PRKX: variants seen among roughly 807,000 people sequenced by gnomAD.
PRKX encodes protein kinase cAMP-dependent X-linked catalytic subunit.
A neutral mutation model predicts 22.0 loss-of-function variants in PRKX; 12 were observed. The ratio of observed to expected loss-of-function variants is 0.54; its 90% CI spans 0.35 to 0.88. PRKX has a LOEUF of 0.88. Among genes scored for constraint, PRKX ranks in the 40% least tolerant of loss-of-function variants. The pLI is 0.01. For synonymous variants in PRKX, 134 were observed against 137.7 expected (o/e 0.97, Z 0.19); for missense variants, 217 against 308.0 (o/e 0.70, Z 2.21).
In PRKX at chrX:3,703,781, C is replaced by T. The variant is rs1409708836; in HGVS notation, c.166+9307G>A. On this transcript the variant is annotated intron_variant, in intron 1 of 8. Transcript: ENST00000262848. ...CTATCTCCCGGGTTCAAGTGATTCT[C>T]CTGCCTCAGCCTCCTGAGTAGCTGG... is the stretch of plus-strand genomic sequence containing the variant. Among the ~76,000 whole-genome samples the T allele has an allele frequency of 2.8e-5, 3 of 105,367 alleles. No individual in the cohort carries two copies. In the Admixed American group the frequency reaches 3.1e-4, roughly 11 times the overall value. 91.5% of individuals were successfully genotyped at this position (105,367 alleles called of 115,157 possible).
chrX:3,619,342 C>T (rs1926506914), intron 6 of PRKX, among the ~76,000 whole-genome samples: 1 of 110,855 alleles, frequency 9.0e-6, no homozygotes, highest in South Asian at 3.8e-4. Flanking sequence ...CCACTAGAGC[C>T]TCTAGCAGGA....
chrX:3,707,760 C>G (rs1417349756), intron 1 of PRKX, among the ~76,000 whole-genome samples: 2 of 111,914 alleles, frequency 1.8e-5, no homozygotes, highest in African/African-American at 6.5e-5. Flanking sequence ...GATCTCATCT[C>G]TTGGCATTTG....
At chrX:3,627,613 C>A (rs1255995303) in intron 4 of PRKX, among the ~76,000 whole-genome samples, 1 of 108,913 alleles carries the variant, frequency 9.2e-6, no homozygotes, top group African/African-American at 3.3e-5. Context: ...AGGTATCTGC[C>A]ACCATGCCAG....
In PRKX at chrX:3,613,150, C is replaced by CAAAAAAAAAAAAAAAAAAAAAAAAAAAAA. The variant is rs528688936; in HGVS notation, c.952-854_952-826dup. On this transcript the variant is annotated intron_variant, in intron 7 of 8. Coordinates refer to ENST00000262848, the MANE Select transcript of PRKX (RefSeq NM_005044.5). ...TGGGCAACGGAGCAAGACTTCGTCTCAAAAAAAAAAAAAAAAAAAAAAAAA... is the reference window on the plus strand; with the variant it reads ...TGGGCAACGGAGCAAGACTTCGTCTCAAAAAAAAAAAAAAAAAAAAAAAAAAAAAAAAAAAAAAAAAAAAAAAAAAAAAA... Among the ~76,000 whole-genome samples, 12 of 54,324 alleles carry CAAAAAAAAAAAAAAAAAAAAAAAAAAAAA rather than the reference C, an allele frequency of 2.2e-4. 3 individuals are homozygous for CAAAAAAAAAAAAAAAAAAAAAAAAAAAAA. The highest frequency in any genetic ancestry group is 9.3e-4 in the Admixed American group (3 of 3,220). The allele number at this position is 54,324 out of a possible 115,157, so 47.2% of individuals were successfully genotyped here. A position where few individuals can be genotyped will look rare whatever the true frequency, so the allele number is the denominator to read the frequency against.
chrX:3,642,181 A>G (rs1263686467), intron 3 of PRKX, among the ~76,000 whole-genome samples: 1 of 111,334 alleles, frequency 9.0e-6, no homozygotes, highest in Non-Finnish European at 1.9e-5. Flanking sequence ...CTTGGAAGCT[A>G]AGAATTGGTT....
At chrX:3,614,016 C>T (rs1329883517) in intron 7 of PRKX, among the ~76,000 whole-genome samples, 3 of 111,187 alleles carry the variant, frequency 2.7e-5, no homozygotes, top group East Asian at 5.6e-4. Flanking sequence ...CCACTCCCAT[C>T]AGTAACATAT....
chrX:3,654,155 T>C (rs1426810410), intron 3 of PRKX, among the ~76,000 whole-genome samples: 1 of 90,952 alleles, frequency 1.1e-5, no homozygotes, highest in Non-Finnish European at 2.1e-5. Flanking sequence ...TGATATAGTA[T>C]GATATAGGTA....
At chrX:3,694,365 G>A (rs1274335387) in intron 1 of PRKX, among the ~76,000 whole-genome samples, 1 of 110,090 alleles carries the variant, frequency 9.1e-6, no homozygotes, top group Non-Finnish European at 1.9e-5. Context: ...TCCAGCCTGG[G>A]CAAAAGAGCG....
At chrX:3,618,441 G>A in intron 6 of PRKX, among the ~76,000 whole-genome samples, 1 of 92,958 alleles carries the variant, frequency 1.1e-5, no homozygotes, top group Admixed American at 1.3e-4. Flanking sequence ...AACACATCAA[G>A]ACCCCAACTC....
At chrX:3,684,128 T>A (rs1179579912) in intron 1 of PRKX, among the ~76,000 whole-genome samples, 1 of 110,780 alleles carries the variant, frequency 9.0e-6, no homozygotes, top group Non-Finnish European at 1.9e-5. Flanking sequence ...GGCGCGCTCC[T>A]GTAATCCCAG....
intron 1 of PRKX, among the ~76,000 whole-genome samples, chrX:3,675,864 C>G (rs761640631): frequency 2.7e-5 from 3 of 111,489 alleles, no homozygotes; most frequent in Non-Finnish European, 3.8e-5. Flanking sequence ...ACTGTAGCCT[C>G]TACCTCCTGG....
chrX:3,637,101 G>GGAGA (rs1926906484), intron 4 of PRKX, among the ~76,000 whole-genome samples: 1 of 100,084 alleles, frequency 1.0e-5, no homozygotes, highest in Non-Finnish European at 2.0e-5. Flanking sequence ...GAGGAAGGAA[G>GGAGA]GAGAGAGGGA....
intron 2 of PRKX, among the ~76,000 whole-genome samples, chrX:3,657,899 G>A (rs1927512725): frequency 8.9e-6 from 1 of 112,020 alleles, no homozygotes; most frequent in African/African-American, 3.2e-5. Context: ...AATACAGTTT[G>A]GAGAGATACG....
In PRKX at chrX:3,607,560, G is replaced by A. The variant is rs1926203172; in HGVS notation, c.*1409C>T. 1 of 111,532 alleles carries A rather than the reference G, an allele frequency of 9.0e-6. No homozygotes were observed. The highest frequency in any genetic ancestry group is 1.9e-5 in the Non-Finnish European group (1 of 53,251). 9.2% of individuals were successfully genotyped at this position (111,532 alleles called of 1,213,427 possible). On this transcript the variant is annotated 3_prime_UTR_variant, in exon 9 of 9. Transcript: ENST00000262848. ...TCCACTGAGTTATTAATTGTAAAGA[G>A]TTTATTCTGCTGAACCTACTAATTA...
chrX:3,619,400 C>A (rs1327112562), intron 6 of PRKX, among the ~76,000 whole-genome samples: 1 of 111,073 alleles, frequency 9.0e-6, no homozygotes, highest in African/African-American at 3.3e-5. Context: ...AAAATATATG[C>A]CCATGTCCTG....
intron 4 of PRKX, among the ~76,000 whole-genome samples, chrX:3,629,145 C>T (rs1320934921): frequency 8.9e-6 from 1 of 112,444 alleles, no homozygotes; most frequent in Non-Finnish European, 1.9e-5. Context: ...CTTCACTCTA[C>T]AGCACGAGCA....
chrX:3,698,883 A>T (rs1441513078), intron 1 of PRKX, among the ~76,000 whole-genome samples: 1 of 101,534 alleles, frequency 9.8e-6, no homozygotes, highest in Non-Finnish European at 2.0e-5. Flanking sequence ...GAGCCACCCC[A>T]CCCAACCAGG....
chrX:3,647,038 AAAGT>A (rs1453363037), intron 3 of PRKX, among the ~76,000 whole-genome samples: 3 of 111,095 alleles, frequency 2.7e-5, no homozygotes, highest in African/African-American at 9.8e-5. Flanking sequence ...TTAAATACTC[AAAGT>A]AAGAAGCTAG....
intron 4 of PRKX, among the ~76,000 whole-genome samples, chrX:3,634,773 G>A (rs2002529): frequency 5.4e-5 from 6 of 110,993 alleles, no homozygotes; most frequent in East Asian, 5.7e-4. Context: ...TCACCGCAGC[G>A]TTGACCTCCC....
Sources: gnomAD v4.1 joint callset for allele counts (sites outside exome capture counted in the v4.1 genomes callset) on GRCh38, gnomAD v4.1.1 for gene constraint, MANE v1.5 for transcripts, NCBI Gene and HGNC (gene_info 2026-07-23, HGNC 2026-07-21) for gene names.